DHRS11: variants seen among roughly 807,000 people sequenced by gnomAD.
DHRS11 encodes the protein dehydrogenase/reductase 11, also known as dehydrogenase/reductase SDR family member 11.
DHRS11 carries 18 observed loss-of-function variants against 30.7 expected under a neutral mutation model. The observed-to-expected ratio is 0.59, with a 90% CI of 0.41 to 0.87. The LOEUF (loss-of-function observed/expected upper bound fraction) is 0.87, where lower values mean the gene tolerates loss of function less well. Ranked by LOEUF, DHRS11 falls within the 40% of genes least tolerant of loss-of-function variation. DHRS11 has a pLI of 0.00. For synonymous variants in DHRS11, 123 were observed against 139.6 expected (o/e 0.88, Z 0.84); for missense variants, 300 against 349.0 (o/e 0.86, Z 1.12).
At position 36,591,992 on chromosome 17, in the gene DHRS11, G is replaced by A; in HGVS notation, c.-18G>A. 1 of 1,225,004 alleles carries A rather than the reference G, an allele frequency of 8.2e-7. No individual in the cohort carries two copies. Among genetic ancestry groups the A allele is most frequent in the Non-Finnish European group, 1.0e-6 (1 of 983,548 alleles). 75.9% of individuals were successfully genotyped at this position (1,225,004 alleles called of 1,614,324 possible). A position where few individuals can be genotyped will look rare whatever the true frequency, so the allele number is the denominator to read the frequency against. On this transcript the variant is annotated 5_prime_UTR_variant, in exon 1 of 7. Transcript: ENST00000618403. Reference sequence around the variant, plus strand: ...CGTGTCGGGCTAGTCCAGCGAGGCGGACGGGCGGCGTGGGCCCATGGCCAG... The same window carrying A: ...CGTGTCGGGCTAGTCCAGCGAGGCGAACGGGCGGCGTGGGCCCATGGCCAG...
intron 2 of DHRS11, among the ~76,000 whole-genome samples, 161 bp downstream of exon 2, chr17:36,595,341 A>G (rs533009011): frequency 6.7e-6 from 1 of 148,324 alleles, no homozygotes; most frequent in East Asian, 2.0e-4. Context: ...TTCTTGCCCT[A>G]CCAGAGGGAT....
intron 1 of DHRS11, 57 bp from the exon 2 acceptor site, chr17:36,594,914 T>G (rs1159757890): frequency 6.3e-7 from 1 of 1,586,054 alleles, no homozygotes; most frequent in Non-Finnish European, 8.6e-7. Context: ...TGAGGCTGGC[T>G]AGGGAGCCGT....
At chr17:36,598,278 G>C (rs912184109) in intron 3 of DHRS11, 21 bp downstream of exon 3, 1 of 1,611,024 alleles carries the variant, frequency 6.2e-7, no homozygotes, top group Non-Finnish European at 8.5e-7. Context: ...GTGGCCAATG[G>C]GTACCACTCA....
intron 4 of DHRS11, 47 bp from the exon 5 acceptor site, chr17:36,599,624 G>GA (rs765746168): frequency 6.2e-7 from 1 of 1,604,558 alleles, no homozygotes. Context: ...ACCTCCCCAA[G>GA]ACCTGGCAAA....
chr17:36,600,308 C>T lies in DHRS11; in HGVS notation c.*105C>T. On this transcript the variant is annotated 3_prime_UTR_variant, in exon 7 of 7. Coordinates refer to ENST00000618403, the MANE Select transcript of DHRS11 (RefSeq NM_024308.4). ...ATCACGGGATACCACTTCCTGTCCA[C>T]ACCCCGACCAGGGGCTAGAAAATTT... 7.4e-7 allele frequency: 1 copy of T among 1,353,966 alleles called. No homozygotes were observed. The highest frequency in any genetic ancestry group is 1.2e-5 in the South Asian group (1 of 80,084). 83.9% of individuals were successfully genotyped at this position (1,353,966 alleles called of 1,614,324 possible).
intron 1 of DHRS11, among the ~76,000 whole-genome samples, chr17:36,593,396 G>C (rs1397024433): frequency 2.0e-5 from 3 of 152,324 alleles, no homozygotes; most frequent in Non-Finnish European, 2.9e-5. Flanking sequence ...CAGGAAGGCA[G>C]TGACAGGGAG....
rs1220373048 is a variant in DHRS11, at chr17:36,592,018, G to C, written c.9G>C (p.Arg3Ser). The stretch of plus-strand genomic sequence containing the variant: ...ACGGGCGGCGTGGGCCCATGGCCAG[G>C]CCCGGCATGGAGCGGTGGCGCGACC... MA[R>S]PGMERWRDRL... Residue 3 changes from arginine (R) to serine (S), a missense_variant, in exon 1 of 7, where the codon AGG (arginine) becomes AGC (serine). Coordinates refer to ENST00000618403, the MANE Select transcript of DHRS11 (RefSeq NM_024308.4). The surrounding 1 kb of genome is among the most constrained non-coding windows in gnomAD (Gnocchi z 4.4). The C allele has an allele frequency of 8.1e-7, 1 of 1,228,654 alleles. No homozygotes were observed. The highest frequency in any genetic ancestry group is 4.3e-5 in the Admixed American group (1 of 23,486). The allele number at this position is 1,228,654 out of a possible 1,614,324, so 76.1% of individuals were successfully genotyped here.
chr17:36,595,191 C>T lies in DHRS11; in HGVS notation c.357+11C>T, dbSNP rs775360559. 33 of 1,612,740 alleles carry T rather than the reference C, an allele frequency of 2.0e-5. No individual in the cohort carries two copies. The highest frequency in any genetic ancestry group is 2.0e-4 in the Middle Eastern group (1 of 5,112). ...AAGGACATGTTCAATGTAAGAGCTCCAAGCCTCCATCTTCCAGGTGGAGGG... is the reference window on the plus strand; with the variant it reads ...AAGGACATGTTCAATGTAAGAGCTCTAAGCCTCCATCTTCCAGGTGGAGGG... On this transcript the variant is annotated intron_variant, in intron 2 of 6. Coordinates refer to ENST00000618403, the MANE Select transcript of DHRS11 (RefSeq NM_024308.4).
intron 4 of DHRS11, 144 bp from the exon 5 acceptor site, chr17:36,599,527 C>A: frequency 1.4e-6 from 1 of 731,840 alleles, no homozygotes; most frequent in Non-Finnish European, 2.3e-6. Context: ...CTGCCAGTGG[C>A]AGCTTCGGAG....
At chr17:36,596,792 C>A in intron 2 of DHRS11, 1 of 470,860 alleles carries the variant, frequency 2.1e-6, no homozygotes. Context: ...ATGGGGTGTT[C>A]TTTTCTCCCC....
At chr17:36,596,306 G>A (rs1275387922) in intron 2 of DHRS11, 4 of 152,468 alleles carry the variant, frequency 2.6e-5, no homozygotes, top group Non-Finnish European at 4.4e-5. Flanking sequence ...GACTACAGGC[G>A]GGCACCACCA....
intron 1 of DHRS11, among the ~76,000 whole-genome samples, chr17:36,593,739 C>T (rs1199035162): frequency 6.6e-6 from 1 of 152,198 alleles, no homozygotes; most frequent in Non-Finnish European, 1.5e-5. Context: ...ATTCCTGGCT[C>T]AGCTTGGGAG....
Position 36,600,036 on chromosome 17 carries a change from A to G in DHRS11, c.740A>G (p.Gln247Arg). ...IYVLSTPAHI[Q>R]IGDIQMRPTE... ...GTCCTCAGCACCCCCGCACACATCC[A>G]GGTGAGTCTGGCCCTGACTGTCTAC... Residue 247 changes from glutamine (Q) to arginine (R), a missense_variant and splice_region_variant, in exon 6 of 7, where the codon CAG (glutamine) becomes CGG (arginine). By Grantham distance (43) the Gln-to-Arg change is conservative. Transcript: ENST00000618403. 1 of 1,613,908 alleles carries G rather than the reference A, an allele frequency of 6.2e-7. No individual in the cohort carries two copies. The highest frequency in any genetic ancestry group is 1.1e-5 in the South Asian group (1 of 90,998).
intron 2 of DHRS11, chr17:36,597,419 G>C (rs1457903405): frequency 6.4e-6 from 1 of 157,266 alleles, no homozygotes; most frequent in Non-Finnish European, 1.4e-5. Context: ...TGGGGCCAAC[G>C]GGTGGGGCAG....
Position 36,592,563 on chromosome 17 carries a change from G to A in DHRS11, c.147+407G>A, listed in dbSNP as rs1379839312. 1.3e-5 allele frequency among the ~76,000 whole-genome samples: 2 copies of A among 152,226 alleles called. No individual in the cohort carries two copies. Among genetic ancestry groups the A allele is most frequent in the African/African-American group, 2.4e-5 (1 of 41,470 alleles). On this transcript the variant is annotated intron_variant, in intron 1 of 6. Transcript: ENST00000618403. The surrounding 1 kb of genome is among the most constrained non-coding windows in gnomAD (Gnocchi z 4.4). Reference sequence around the variant, plus strand: ...GGCAGGAGCCAGGACTGAGGTTGGGGTTGGGGTGGGAGCTTTACTGAAGAG... The same window carrying A: ...GGCAGGAGCCAGGACTGAGGTTGGGATTGGGGTGGGAGCTTTACTGAAGAG...
chr17:36,599,182 G>A (rs372231045), intron 4 of DHRS11, 132 bp downstream of exon 4: 2 of 1,345,866 alleles, frequency 1.5e-6, no homozygotes, highest in Non-Finnish European at 2.0e-6. Flanking sequence ...ACAGAACTGG[G>A]TGCTGCTGCT....
intron 4 of DHRS11, 102 bp downstream of exon 4, chr17:36,599,152 C>A: frequency 6.8e-7 from 1 of 1,475,776 alleles, no homozygotes; most frequent in South Asian, 1.3e-5. Flanking sequence ...CCGCTCAGAG[C>A]TCCTGGGAGT....
Position 36,597,875 on chromosome 17 carries a change from C to T in DHRS11, c.358-288C>T, listed in dbSNP as rs192965211. On this transcript the variant is annotated intron_variant, in intron 2 of 6. Coordinates refer to ENST00000618403, the MANE Select transcript of DHRS11 (RefSeq NM_024308.4). ...ATAGAGGAGATGGCCAAGACAGAGT[C>T]TCCTGGGTCAGGAGTGGGTTTGAAG... 2,837 of 536,914 alleles carry T rather than the reference C, an allele frequency of 5.3e-3. 38 individuals carry two copies. Among genetic ancestry groups the T allele is most frequent in the South Asian group, 0.029 (1,333 of 46,062 alleles). The allele number at this position is 536,914 out of a possible 1,614,324, so 33.3% of individuals were successfully genotyped here.
At position 36,600,355 on chromosome 17, in the gene DHRS11, T is replaced by G; in HGVS notation, c.*152T>G. 1 of 831,522 alleles carries G rather than the reference T, an allele frequency of 1.2e-6. No homozygotes were observed. The highest frequency in any genetic ancestry group is 1.9e-6 in the Non-Finnish European group (1 of 528,518). The allele number at this position is 831,522 out of a possible 1,614,324, so 51.5% of individuals were successfully genotyped here. A position where few individuals can be genotyped will look rare whatever the true frequency, so the allele number is the denominator to read the frequency against. On this transcript the variant is annotated 3_prime_UTR_variant, in exon 7 of 7. Transcript: ENST00000618403. ...ATTTGTTTGAGATTTTTATATCATC[T>G]TGTCAAATTGCTTCAGTTGTAAATG...
Sources: allele counts gnomAD v4.1 joint callset (sites outside exome capture counted in the v4.1 genomes callset), GRCh38; gene constraint gnomAD v4.1.1; non-coding constraint Gnocchi (gnomAD v3.1); transcripts MANE v1.5; gene names NCBI Gene and HGNC (gene_info 2026-07-23, HGNC 2026-07-21).